Variants in DMD observed in about 807,000 individuals in gnomAD.
The protein encoded by DMD is dystrophin.
Under a neutral mutation model 330.1 loss-of-function variants are expected in DMD, and 63 were observed. The ratio of observed to expected loss-of-function variants is 0.19; its 90% CI spans 0.16 to 0.24. The LOEUF is 0.24. Ranked by LOEUF, DMD falls within the 10% of genes least tolerant of loss-of-function variation. The pLI is 1.00. For missense variants in DMD, 3,344 were observed against 2,684.1 expected, an observed-to-expected ratio of 1.25 and a Z score of -5.43; for synonymous variants, 1,223 against 959.8, an observed-to-expected ratio of 1.27 and a Z score of -5.07.
At chrX:33,236,620 C>G (rs2052489803) in intron 1 of DMD, among the ~76,000 whole-genome samples, 1 of 110,727 alleles carries the variant, frequency 9.0e-6, no homozygotes, top group Admixed American at 9.6e-5. Flanking sequence ...GGAACAGAGG[C>G]GTAAATAGCA....
At chrX:31,422,546 G>A (rs1445245279) in intron 60 of DMD, among the ~76,000 whole-genome samples, 1 of 112,005 alleles carries the variant, frequency 8.9e-6, no homozygotes, top group Non-Finnish European at 1.9e-5. Flanking sequence ...TTAAGTAAAT[G>A]TTGACGGGCA....
chrX:32,849,922 T>G (rs961932892), intron 2 of DMD, 102 bp from the exon 3 acceptor site: 85 of 647,353 alleles, frequency 1.3e-4, no homozygotes, highest in Non-Finnish European at 1.9e-4. Context: ...TTAAGGATAA[T>G]TAGTGTGCAT....
chrX:31,877,756 C>T (rs917927021), intron 47 of DMD, among the ~76,000 whole-genome samples: 1 of 111,099 alleles, frequency 9.0e-6, no homozygotes, highest in African/African-American at 3.3e-5. Context: ...ACTCCTACGT[C>T]TGTAATACAT....
intron 18 of DMD, among the ~76,000 whole-genome samples, chrX:32,503,633 G>A (rs955991629): frequency 6.3e-5 from 7 of 111,181 alleles, no homozygotes; most frequent in Admixed American, 2.9e-4. Context: ...TCAGCTCACT[G>A]CAACCTCTGC....
chrX:33,168,987 A>G (rs1335076823), intron 1 of DMD, among the ~76,000 whole-genome samples: 1 of 71,493 alleles, frequency 1.4e-5, no homozygotes, highest in Non-Finnish European at 3.2e-5. Context: ...TCAACTCTCT[A>G]GAAGATAGGT....
intron 62 of DMD, 147 bp downstream of exon 62, chrX:31,323,450 TA>T: frequency 3.7e-6 from 2 of 537,462 alleles, no homozygotes; most frequent in Non-Finnish European, 6.2e-6. Context: ...AATTTTAGAA[TA>T]AGTTTTTTAT....
chrX:33,294,651 C>A (rs992674734), intron 1 of DMD, among the ~76,000 whole-genome samples: 2 of 108,427 alleles, frequency 1.8e-5, no homozygotes, highest in Non-Finnish European at 3.8e-5. Context: ...AAAAAAAAAA[C>A]TTTTGCCAAA....
intron 21 of DMD, 119 bp downstream of exon 21, chrX:32,484,800 T>C: frequency 1.3e-6 from 1 of 749,013 alleles, no homozygotes; most frequent in Non-Finnish European, 2.0e-6. Flanking sequence ...TTAATACAGG[T>C]TGTAGGGAGA....
intron 22 of DMD, 56 bp downstream of exon 22, chrX:32,472,108 A>T: frequency 8.6e-7 from 1 of 1,166,699 alleles, no homozygotes; most frequent in Non-Finnish European, 1.2e-6. Context: ...AGGTTATATC[A>T]ATGTGAATGC....
intron 7 of DMD, among the ~76,000 whole-genome samples, chrX:32,777,351 G>A (rs1392638637): frequency 2.1e-5 from 2 of 96,004 alleles, no homozygotes; most frequent in African/African-American, 7.9e-5. Context: ...TACTTAATGT[G>A]TTGTAAATAA....
At chrX:31,455,711 T>G (rs775100089) in intron 59 of DMD, among the ~76,000 whole-genome samples, 2 of 112,573 alleles carry the variant, frequency 1.8e-5, no homozygotes, top group Non-Finnish European at 3.7e-5. Context: ...ATTTCAGTTT[T>G]TGGTCTCTAC....
intron 7 of DMD, among the ~76,000 whole-genome samples, chrX:32,750,653 A>G (rs1021641721): frequency 5.4e-5 from 6 of 110,719 alleles, no homozygotes; most frequent in African/African-American, 1.6e-4. Context: ...TAAAGGCCTG[A>G]AAGCCAAACT....
chrX:33,268,553 T>C (rs962746083), intron 1 of DMD, among the ~76,000 whole-genome samples: 1 of 111,594 alleles, frequency 9.0e-6, no homozygotes, highest in Non-Finnish European at 1.9e-5. Context: ...GAAATGCTCA[T>C]CATCATTAAT....
intron 44 of DMD, among the ~76,000 whole-genome samples, chrX:32,097,332 T>C (rs1007467347): frequency 9.0e-6 from 1 of 111,167 alleles, no homozygotes; most frequent in Non-Finnish European, 1.9e-5. Context: ...CTCCCAATTA[T>C]GAGTGAGAAA....
intron 43 of DMD, among the ~76,000 whole-genome samples, chrX:32,286,173 T>C (rs2097440552): frequency 9.0e-6 from 1 of 111,361 alleles, no homozygotes; most frequent in South Asian, 3.8e-4. Flanking sequence ...GGAGCTTGTG[T>C]GGGAGGCAGA....
intron 76 of DMD, among the ~76,000 whole-genome samples, chrX:31,138,624 G>GGAGAGGGAGAGAGAGAGA (rs2035559525): frequency 1.7e-5 from 1 of 58,774 alleles, no homozygotes; most frequent in African/African-American, 7.6e-5. Context: ...CATGGCAGCA[G>GGAGAGGGAGAGAGAGAGA]GAGAGAGAGA....
intron 12 of DMD, among the ~76,000 whole-genome samples, chrX:32,608,779 T>C (rs746555159): frequency 9.9e-5 from 11 of 110,730 alleles, no homozygotes; most frequent in Non-Finnish European, 1.9e-4. Context: ...TCTCTGGTTA[T>C]AATACAGTAT....
intron 44 of DMD, among the ~76,000 whole-genome samples, chrX:32,001,013 A>G (rs1463026665): frequency 9.0e-6 from 1 of 111,222 alleles, no homozygotes. Context: ...ACCAATGAAT[A>G]AATCTTGTTA....
intron 7 of DMD, among the ~76,000 whole-genome samples, chrX:32,777,883 T>C (rs773381522): frequency 3.9e-4 from 44 of 112,504 alleles, no homozygotes; most frequent in Non-Finnish European, 6.9e-4. Context: ...CTGCTCAATT[T>C]TGGATGTCCA....
Sources: gnomAD v4.1 joint callset for allele counts (sites outside exome capture counted in the v4.1 genomes callset) on GRCh38, gnomAD v4.1.1 for gene constraint, MANE v1.5 for transcripts, NCBI Gene and HGNC (gene_info 2026-07-23, HGNC 2026-07-21) for gene names.